TAMM41: variants seen among roughly 807,000 people sequenced by gnomAD.
The protein encoded by TAMM41 is phosphatidate cytidylyltransferase, mitochondrial.
TAMM41 carries 36 observed loss-of-function variants against 44.1 expected under a neutral mutation model. The ratio of observed to expected loss-of-function variants is 0.82; its 90% CI spans 0.63 to 1.08. The LOEUF (loss-of-function observed/expected upper bound fraction) is 1.08. Among genes scored for constraint, TAMM41 ranks in the 50% least tolerant of loss-of-function variants. TAMM41 has a pLI of 0.00. For synonymous variants in TAMM41, 164 were observed against 153.1 expected (o/e 1.07, Z -0.53); for missense variants, 417 against 404.3 (o/e 1.03, Z -0.27).
the TAMM41 span, among the ~76,000 whole-genome samples, chr3:11,723,486 T>TCA: frequency 6.0e-5 from 9 of 150,498 alleles, no homozygotes; most frequent in Admixed American, 4.7e-4. Context: ...GAGGCTGACA[T>TCA]GGTAGGATCA....
the TAMM41 span, among the ~76,000 whole-genome samples, chr3:11,733,950 C>G: frequency 1.3e-5 from 2 of 152,076 alleles, no homozygotes; most frequent in Admixed American, 1.3e-4. Context: ...ATTGCATGAC[C>G]CTCTTTAGCC....
chr3:11,803,449 C>T (rs1177398798), intron 7 of TAMM41, among the ~76,000 whole-genome samples: 1 of 152,056 alleles, frequency 6.6e-6, no homozygotes, highest in East Asian at 1.9e-4. Context: ...AAAGGGAATG[C>T]TTATACACTG....
the TAMM41 span, among the ~76,000 whole-genome samples, chr3:11,748,385 C>T: frequency 6.6e-6 from 1 of 151,948 alleles, no homozygotes; most frequent in South Asian, 2.1e-4. Context: ...CAGGTTCAAA[C>T]AATTCTCATG....
the TAMM41 span, among the ~76,000 whole-genome samples, chr3:11,748,121 T>C: frequency 1.3e-5 from 2 of 150,508 alleles, no homozygotes; most frequent in African/African-American, 5.0e-5. Flanking sequence ...GCAATCCACC[T>C]GCCTTAGCCT....
intron 7 of TAMM41, among the ~76,000 whole-genome samples, chr3:11,805,278 A>T (rs767608381): frequency 1.3e-5 from 2 of 152,096 alleles, no homozygotes; most frequent in Non-Finnish European, 2.9e-5. Context: ...CTAGGATTAC[A>T]GGCATGAGTC....
intron 3 of TAMM41, among the ~76,000 whole-genome samples, chr3:11,833,354 C>T (rs535316340): frequency 6.6e-6 from 1 of 152,302 alleles, no homozygotes; most frequent in African/African-American, 2.4e-5. Flanking sequence ...GAGAAACTCA[C>T]ATGTGGGCTC....
intron 2 of TAMM41, 124 bp from the exon 3 acceptor site, chr3:11,839,438 C>A: frequency 1.6e-6 from 1 of 614,796 alleles, no homozygotes; most frequent in East Asian, 2.9e-5. Flanking sequence ...CAAAGCCACT[C>A]AAAACACCTG....
intron 4 of TAMM41, 145 bp downstream of exon 4, chr3:11,829,569 C>A: frequency 2.6e-6 from 2 of 779,636 alleles, no homozygotes; most frequent in Admixed American, 2.4e-5. Context: ...AGGCAAATCA[C>A]GAGGTTAGTG....
the TAMM41 span, among the ~76,000 whole-genome samples, chr3:11,780,879 C>G: frequency 6.6e-6 from 1 of 152,188 alleles, no homozygotes; most frequent in Non-Finnish European, 1.5e-5. Context: ...AAATACTTGA[C>G]TAAATCAGTG....
the TAMM41 span, among the ~76,000 whole-genome samples, chr3:11,783,068 A>G: frequency 6.6e-6 from 1 of 152,216 alleles, no homozygotes; most frequent in Admixed American, 6.5e-5. Context: ...AGGGTGCTGG[A>G]CAAGAGCTTC....
At chr3:11,745,015 C>T in the TAMM41 span, among the ~76,000 whole-genome samples, 1 of 152,122 alleles carries the variant, frequency 6.6e-6, no homozygotes, top group Non-Finnish European at 1.5e-5. Flanking sequence ...AGGTGCCCAC[C>T]ACCACACTCG....
intron 4 of TAMM41, among the ~76,000 whole-genome samples, chr3:11,819,397 C>A (rs575837895): frequency 1.3e-5 from 2 of 152,156 alleles, no homozygotes; most frequent in African/African-American, 2.4e-5. Context: ...AAGAAACTTG[C>A]GTAAGGTTTC....
the TAMM41 span, among the ~76,000 whole-genome samples, chr3:11,760,290 C>T: frequency 1.3e-5 from 2 of 152,228 alleles, no homozygotes; most frequent in Non-Finnish European, 2.9e-5. Context: ...GGTGCTCTCT[C>T]CCTGGAGGCC....
At position 11,846,588 on chromosome 3, in the gene TAMM41, G is replaced by A. The variant is rs765031292; in HGVS notation, c.49C>T (p.Leu17=). ...QSSWVTFRKI[L]SHFPEELSLA... is the part of the protein sequence containing the mutation. ...CTCAGCTCCTCGGGGAAGTGAGACA[G>A]GATCTTGCGGAAGGTCACCCACGAG... Residue 17 remains leucine, a synonymous_variant, in exon 1 of 8, where the codon CTG becomes TTG. Transcript: ENST00000455809. 9.9e-6 allele frequency: 16 copies of A among 1,614,132 alleles called. No homozygotes were observed. The highest frequency in any genetic ancestry group is 1.3e-5 in the Non-Finnish European group (15 of 1,180,050).
At chr3:11,815,017 A>G (rs918240629) in intron 5 of TAMM41, among the ~76,000 whole-genome samples, 3 of 152,198 alleles carry the variant, frequency 2.0e-5, no homozygotes, top group Admixed American at 1.3e-4. Context: ...TGACTGAATA[A>G]TGAATGGAAA....
At chr3:11,826,205 A>T (rs1409305190) in intron 4 of TAMM41, among the ~76,000 whole-genome samples, 2 of 152,198 alleles carry the variant, frequency 1.3e-5, no homozygotes, top group African/African-American at 4.8e-5. Context: ...TAATAACAGC[A>T]ATCATTTTCT....
rs141224948 is a variant in TAMM41 at position 11,826,186 on chromosome 3, T to C, written c.562+3528A>G. ...AACCCATCTGACCAACAATAATACA[T>C]AAAAATAATAATAACAGCAATCATT... is the stretch of plus-strand genomic sequence containing the variant. On this transcript the variant is annotated intron_variant, in intron 4 of 7. Transcript: ENST00000455809. 1.4e-3 allele frequency among the ~76,000 whole-genome samples: 206 copies of C among 152,192 alleles called. 2 individuals are homozygous for C. Among genetic ancestry groups the C allele is most frequent in the Middle Eastern group, 6.8e-3 (2 of 294 alleles).
chr3:11,789,520 T>C (rs995622666), downstream of TAMM41, among the ~76,000 whole-genome samples: 2 of 152,178 alleles, frequency 1.3e-5, no homozygotes, highest in Admixed American at 6.5e-5. Context: ...CCCATTTAAG[T>C]GTCTACTCCT....
chr3:11,829,698 C>T lies in TAMM41; in HGVS notation c.562+16G>A. 16 of 1,613,564 alleles carry T rather than the reference C, an allele frequency of 9.9e-6. No homozygotes were observed. Among genetic ancestry groups the T allele is most frequent in the Non-Finnish European group, 1.4e-5 (16 of 1,179,600 alleles). On this transcript the variant is annotated intron_variant, in intron 4 of 7. Coordinates refer to ENST00000455809, the MANE Select transcript of TAMM41 (RefSeq NM_001284401.2). ...ATCTCTCCCTTGTAGAACATCTGGG[C>T]AGCAACCATACTAACCTGAATAGGA...
Sources: gnomAD v4.1 joint callset for allele counts (sites outside exome capture counted in the v4.1 genomes callset) on GRCh38, gnomAD v4.1.1 for gene constraint, MANE v1.5 for transcripts, NCBI Gene and HGNC (gene_info 2026-07-23, HGNC 2026-07-21) for gene names.